The following DEPDC5 variants were observed in gnomAD, a reference collection of about 807,000 sequenced individuals.
The protein encoded by DEPDC5 is DEP domain containing 5, GATOR1 subcomplex subunit.
A neutral mutation model predicts 217.3 loss-of-function variants in DEPDC5; 73 were observed. The observed-to-expected ratio is 0.34, with a 90% CI of 0.28 to 0.41. The LOEUF is 0.41. DEPDC5 is among the 10% of genes least tolerant of loss of function. The pLI is 1.00. For missense variants in DEPDC5, 1,675 were observed against 2,070.1 expected (o/e 0.81, Z 3.70); for synonymous variants, 733 against 756.7 (o/e 0.97, Z 0.51).
At chr22:31,774,204 C>CTT (rs199567632) in intron 7 of DEPDC5, among the ~76,000 whole-genome samples, 5 of 142,426 alleles carry the variant, frequency 3.5e-5, no homozygotes, top group Non-Finnish European at 4.6e-5. Context: ...CACATTGTAA[C>CTT]TTTTTTTTTT....
At chr22:31,858,760 A>G (rs149475104) in intron 32 of DEPDC5, 103 of 152,292 alleles carry the variant, frequency 6.8e-4, no homozygotes, top group African/African-American at 2.4e-3. Context: ...TGATTTTTAA[A>G]TGATTTTTGG....
chr22:31,863,659 A>G (rs1404108524), intron 33 of DEPDC5, among the ~76,000 whole-genome samples: 1 of 152,216 alleles, frequency 6.6e-6, no homozygotes, highest in Non-Finnish European at 1.5e-5. Context: ...TTTTAAAAAT[A>G]TATACATAAA....
chr22:31,898,074 A>G (rs2149399807), intron 40 of DEPDC5, among the ~76,000 whole-genome samples: 1 of 152,256 alleles, frequency 6.6e-6, no homozygotes, highest in East Asian at 1.9e-4. Context: ...CAGGAAAGGG[A>G]GGGCATGAAA....
At chr22:31,874,160 G>A (rs888860502) in intron 35 of DEPDC5, 113 bp from the exon 36 acceptor site, 10 of 1,437,754 alleles carry the variant, frequency 7.0e-6, no homozygotes, top group Admixed American at 4.3e-5. Flanking sequence ...TAGGGACATT[G>A]CTTTATGGTA....
At chr22:31,801,611 G>C (rs1377135019) in intron 14 of DEPDC5, among the ~76,000 whole-genome samples, 2 of 152,190 alleles carry the variant, frequency 1.3e-5, no homozygotes, top group African/African-American at 4.8e-5. Context: ...AACCTTAGTG[G>C]CTCTGGGAAC....
intron 34 of DEPDC5, 61 bp downstream of exon 34, chr22:31,870,805 G>C: frequency 7.0e-7 from 1 of 1,426,664 alleles, no homozygotes; most frequent in Middle Eastern, 1.9e-4. Context: ...GATCTCAAAG[G>C]CTGCAGAGGC....
At chr22:31,888,240 GTTTTTT>G (rs71184531) in intron 38 of DEPDC5, among the ~76,000 whole-genome samples, 136 of 66,416 alleles carry the variant, frequency 2.0e-3, no homozygotes, top group African/African-American at 8.5e-3. Flanking sequence ...TTTGTCTGTG[GTTTTTT>G]TTTTTTTTTT....
chr22:31,801,450 T>C (rs1243095301), intron 14 of DEPDC5, among the ~76,000 whole-genome samples: 1 of 152,214 alleles, frequency 6.6e-6, no homozygotes, highest in Non-Finnish European at 1.5e-5. Context: ...CAGTGTGGTA[T>C]GATTATCCCG....
At chr22:31,824,831 C>G (rs1044300506) in intron 24 of DEPDC5, among the ~76,000 whole-genome samples, 4 of 151,846 alleles carry the variant, frequency 2.6e-5, no homozygotes, top group Non-Finnish European at 5.9e-5. Context: ...AATAAAATAA[C>G]TGGGCGTGGT....
At chr22:31,892,541 G>A (rs770440588) in intron 38 of DEPDC5, among the ~76,000 whole-genome samples, 5 of 152,102 alleles carry the variant, frequency 3.3e-5, no homozygotes, top group South Asian at 2.1e-4. Context: ...AAAATTAGCC[G>A]GGTGTGGTGG....
At chr22:31,859,111 G>A (rs1412417935) in intron 32 of DEPDC5, 1 of 45,926 alleles carries the variant, frequency 2.2e-5, no homozygotes, top group Non-Finnish European at 4.2e-5. Flanking sequence ...TTTTTTTTGA[G>A]ACGGAGTCTC....
chr22:31,845,055 C>T lies in DEPDC5; in HGVS notation c.2839C>T (p.Leu947=). The change falls in exon 30 of 43, where the codon CTG becomes TTG. Residue 947 remains leucine (L), a synonymous_variant. Transcript: ENST00000651528. ...CCTGAAGTTCTGGAGGACCCGCTTC[C>T]TGCTGCTGCCAGCCTGTGTCACCGC... The part of the protein sequence containing the change: ...ESLKFWRTRF[L]LLPACVTATK... 2.5e-6 allele frequency: 4 copies of T among 1,614,160 alleles called. No individual in the cohort carries two copies. Among genetic ancestry groups the T allele is most frequent in the South Asian group, 2.2e-5 (2 of 91,080 alleles).
At chr22:31,895,990 C>T (rs1342080892) in intron 39 of DEPDC5, among the ~76,000 whole-genome samples, 1 of 151,538 alleles carries the variant, frequency 6.6e-6, no homozygotes, top group African/African-American at 2.4e-5. Context: ...GGCATAAGCA[C>T]TCTCCTTGCT....
chr22:31,879,378 A>C, intron 37 of DEPDC5, 147 bp from the exon 38 acceptor site: 1 of 724,230 alleles, frequency 1.4e-6, no homozygotes, highest in Non-Finnish European at 2.2e-6. Flanking sequence ...GCTACGTTTC[A>C]CATAAATGGA....
intron 7 of DEPDC5, among the ~76,000 whole-genome samples, chr22:31,776,488 A>G (rs2148301077): frequency 1.3e-5 from 2 of 151,808 alleles, no homozygotes; most frequent in South Asian, 4.2e-4. Flanking sequence ...AGTGTCACTC[A>G]GCTGGGATTC....
chr22:31,809,262 G>A (rs1431445258), intron 18 of DEPDC5, among the ~76,000 whole-genome samples: 1 of 152,170 alleles, frequency 6.6e-6, no homozygotes, highest in Admixed American at 6.5e-5. Context: ...TTTGGGTCAG[G>A]TGGGACAAAC....
At chr22:31,897,360 A>C (rs1385575176) in intron 39 of DEPDC5, 122 bp from the exon 40 acceptor site, 1 of 1,291,582 alleles carries the variant, frequency 7.7e-7, no homozygotes, top group Admixed American at 2.5e-5. Flanking sequence ...GCAAACATGA[A>C]TAAATGAGCA....
intron 19 of DEPDC5, among the ~76,000 whole-genome samples, chr22:31,810,289 A>C (rs1051481076): frequency 6.6e-6 from 1 of 152,142 alleles, no homozygotes; most frequent in African/African-American, 2.4e-5. Flanking sequence ...TACTATTTCT[A>C]TGTTGCTTTG....
chr22:31,879,398 T>A, intron 37 of DEPDC5, 127 bp from the exon 38 acceptor site: 1 of 811,078 alleles, frequency 1.2e-6, no homozygotes, highest in Non-Finnish European at 2.0e-6. Flanking sequence ...AACTATACAG[T>A]ATGTGGCCTT....
Sources: gnomAD v4.1 joint callset for allele counts (sites outside exome capture counted in the v4.1 genomes callset) on GRCh38, gnomAD v4.1.1 for gene constraint, MANE v1.5 for transcripts, NCBI Gene and HGNC (gene_info 2026-07-23, HGNC 2026-07-21) for gene names.